Variants in ATP6V0A4 observed in about 807,000 individuals in gnomAD.
ATP6V0A4 encodes V-type proton ATPase 116 kDa subunit a 4.
A neutral mutation model predicts 107.3 loss-of-function variants in ATP6V0A4; 86 were observed. That is an observed-to-expected ratio of 0.80 (90% CI 0.67 to 0.96). ATP6V0A4 has a LOEUF of 0.96. ATP6V0A4 is among the 40% of genes least tolerant of loss of function. The pLI is 0.00. For missense variants in ATP6V0A4, 908 were observed against 1,045.6 expected (o/e 0.87, Z 1.81); for synonymous variants, 353 against 381.4 (o/e 0.93, Z 0.87).
intron 8 of ATP6V0A4, among the ~76,000 whole-genome samples, chr7:138,757,190 A>C (rs374725491): frequency 6.6e-6 from 1 of 152,186 alleles, no homozygotes; most frequent in African/African-American, 2.4e-5. Context: ...CATTCTTCCA[A>C]TCTTATTTAG....
rs1806475663 is a variant in ATP6V0A4, at chr7:138,755,684, C to G, written c.816+5G>C. The stretch of plus-strand genomic sequence containing the variant: ...TCAGACCATGCGCCCAAACCCCTCA[C>G]TCACGGTGATTAAATCTTCCAGCCT... On this transcript the variant is annotated splice_donor_5th_base_variant and intron_variant, in intron 10 of 21. Transcript: ENST00000310018. 1 of 1,613,606 alleles carries G rather than the reference C, an allele frequency of 6.2e-7. No homozygotes were observed. Among genetic ancestry groups the G allele is most frequent in the Admixed American group, 1.7e-5 (1 of 60,002 alleles).
rs540225443 is a variant in ATP6V0A4 at position 138,737,115 on chromosome 7, A to AT, written c.1572+2424_1572+2425insA. ...GTTATGTAAAAAGTAAGCCCTTATT[A>AT]ATATATATATATGATACAAACTAAC... On this transcript the variant is annotated intron_variant, in intron 15 of 21. Transcript: ENST00000310018. Among the ~76,000 whole-genome samples the AT allele has an allele frequency of 4.4e-4, 38 of 86,734 alleles. 4 individuals are homozygous for AT. The highest frequency in any genetic ancestry group is 7.6e-4 in the African/African-American group (16 of 21,106). The allele number at this position is 86,734 out of a possible 152,430, so 56.9% of individuals were successfully genotyped here. A position where few individuals can be genotyped will look rare whatever the true frequency, so the allele number is the denominator to read the frequency against.
chr7:138,757,287 G>A (rs6953949), intron 8 of ATP6V0A4, among the ~76,000 whole-genome samples: 6,507 of 152,192 alleles, frequency 0.043, 475 homozygotes, highest in African/African-American at 0.15. Context: ...AGGCTAAGGC[G>A]GGTGGATGGC....
chr7:138,787,278 G>A (rs115761437), intron 1 of ATP6V0A4, among the ~76,000 whole-genome samples: 347 of 152,114 alleles, frequency 2.3e-3, no homozygotes, highest in African/African-American at 8.2e-3. Context: ...AGAGTCCTGC[G>A]GACCCCAGAG....
At chr7:138,781,056 A>G (rs1807898091) in intron 2 of ATP6V0A4, among the ~76,000 whole-genome samples, 2 of 152,228 alleles carry the variant, frequency 1.3e-5, no homozygotes, top group African/African-American at 2.4e-5. Flanking sequence ...ACTAGGTCCA[A>G]TCAGTATATT....
chr7:138,769,020 C>T (rs1807232468), intron 4 of ATP6V0A4, 146 bp from the exon 5 acceptor site: 3 of 1,565,572 alleles, frequency 1.9e-6, no homozygotes, highest in Non-Finnish European at 1.7e-6. Context: ...ATCCCACCCC[C>T]AACCTCCCCC....
chr7:138,748,789 G>A (rs983648915), intron 12 of ATP6V0A4, among the ~76,000 whole-genome samples: 3 of 152,130 alleles, frequency 2.0e-5, no homozygotes, highest in Non-Finnish European at 4.4e-5. Flanking sequence ...CTGTGTACTG[G>A]TGTCTTTCCC....
intron 9 of ATP6V0A4, among the ~76,000 whole-genome samples, 198 bp downstream of exon 9, chr7:138,756,260 C>T (rs534331179): frequency 4.6e-5 from 7 of 152,336 alleles, no homozygotes; most frequent in African/African-American, 1.7e-4. Context: ...GTTACCCTCA[C>T]ATTTTGCATA....
At chr7:138,772,519 C>T (rs1807445646) in intron 2 of ATP6V0A4, among the ~76,000 whole-genome samples, 2 of 152,076 alleles carry the variant, frequency 1.3e-5, no homozygotes, top group South Asian at 4.1e-4. Context: ...ACAGTTCCAC[C>T]ATACAGTCAT....
intron 10 of ATP6V0A4, 30 bp from the exon 11 acceptor site, chr7:138,752,867 G>T: frequency 6.2e-7 from 1 of 1,611,394 alleles, no homozygotes; most frequent in South Asian, 1.1e-5. Flanking sequence ...CAGGAAAACA[G>T]AGAACCTTCA....
chr7:138,733,190 T>A, intron 16 of ATP6V0A4, 97 bp from the exon 17 acceptor site: 1 of 1,544,956 alleles, frequency 6.5e-7, no homozygotes, highest in Non-Finnish European at 8.7e-7. Flanking sequence ...AAATGTTCTA[T>A]CTTTTTTTTT....
intron 15 of ATP6V0A4, 84 bp downstream of exon 15, chr7:138,739,456 C>T: frequency 6.6e-7 from 1 of 1,504,274 alleles, no homozygotes; most frequent in Non-Finnish European, 9.2e-7. Context: ...ATTTGACAGG[C>T]TTTGTTGGCC....
intron 20 of ATP6V0A4, among the ~76,000 whole-genome samples, chr7:138,712,748 C>T (rs1407562288): frequency 1.3e-5 from 2 of 150,452 alleles, no homozygotes; most frequent in East Asian, 4.0e-4. Flanking sequence ...CAAATGACCC[C>T]CTCAGTGTGT....
In ATP6V0A4 at chr7:138,756,436, A is replaced by G. The variant is rs371985428; in HGVS notation, c.722+22T>C. On this transcript the variant is annotated intron_variant, in intron 9 of 21. Coordinates refer to ENST00000310018, the MANE Select transcript of ATP6V0A4 (RefSeq NM_020632.3). ...AATCCTGGCCCAAATCACTGAAGAA[A>G]GAGCCATTCACTCCCTCTTACCCAT... is the stretch of plus-strand genomic sequence containing the variant. The G allele has an allele frequency of 2.0e-4, 324 of 1,613,648 alleles. 4 individuals carry two copies. Among genetic ancestry groups the G allele is most frequent in the Admixed American group, 8.3e-4 (50 of 59,988 alleles).
intron 17 of ATP6V0A4, among the ~76,000 whole-genome samples, chr7:138,730,593 G>A (rs550378640): frequency 6.6e-6 from 1 of 152,262 alleles, no homozygotes; most frequent in South Asian, 2.1e-4. Context: ...GATAAGCCAC[G>A]CATTCACTGT....
At chr7:138,756,007 A>T in intron 9 of ATP6V0A4, 1 of 736,258 alleles carries the variant, frequency 1.4e-6, no homozygotes, top group Non-Finnish European at 2.2e-6. Context: ...AATGAGCTTC[A>T]TTCAAACCAT....
At chr7:138,778,428 T>TTATATATATATATA (rs56126323) in intron 2 of ATP6V0A4, among the ~76,000 whole-genome samples, 1 of 147,936 alleles carries the variant, frequency 6.8e-6, no homozygotes, top group African/African-American at 2.5e-5. Flanking sequence ...ACATCTCATT[T>TTATATATATATATA]TATATATATA....
chr7:138,771,262 G>C lies in ATP6V0A4; in HGVS notation c.-15C>G, dbSNP rs761118342. ...ACAGACACCATCTTGGCCCAGCCTC[G>C]GTCTACAGGAGAAAAAGAAAAAGAT... On this transcript the variant is annotated splice_region_variant and 5_prime_UTR_variant, in exon 3 of 22. Coordinates refer to ENST00000310018, the MANE Select transcript of ATP6V0A4 (RefSeq NM_020632.3). The C allele has an allele frequency of 3.1e-6, 5 of 1,612,328 alleles. No individual in the cohort carries two copies. The highest frequency in any genetic ancestry group is 1.3e-5 in the African/African-American group (1 of 74,880).
chr7:138,723,396 G>A (rs1366199055), intron 18 of ATP6V0A4, among the ~76,000 whole-genome samples: 1 of 152,106 alleles, frequency 6.6e-6, no homozygotes, highest in Admixed American at 6.6e-5. Flanking sequence ...ACCCCTAAGT[G>A]TGAATGGTAT....
Sources: gnomAD v4.1 joint callset for allele counts (sites outside exome capture counted in the v4.1 genomes callset) on GRCh38, gnomAD v4.1.1 for gene constraint, MANE v1.5 for transcripts, NCBI Gene and HGNC (gene_info 2026-07-23, HGNC 2026-07-21) for gene names.